Variants in THBS4 observed in about 807,000 individuals in gnomAD.
THBS4 encodes thrombospondin 4, also known as thrombospondin-4.
In THBS4, 90 loss-of-function variants were observed where a neutral mutation model predicts 115.7. The ratio of observed to expected loss-of-function variants is 0.78; its 90% confidence interval spans 0.66 to 0.93. The LOEUF is 0.93. Ranked by LOEUF, THBS4 falls within the 40% of genes least tolerant of loss-of-function variation. THBS4 has a pLI of 0.00. For synonymous variants in THBS4, 460 were observed against 479.3 expected (o/e 0.96, Z 0.53); for missense variants, 1,087 against 1,232.7 (o/e 0.88, Z 1.77).
intron 1 of THBS4, among the ~76,000 whole-genome samples, chr5:79,992,452 A>G (rs978793473): frequency 2.6e-5 from 4 of 152,252 alleles, no homozygotes; most frequent in Admixed American, 1.3e-4. Flanking sequence ...TACTGTTTAC[A>G]TAATCATTCA....
intron 15 of THBS4, 116 bp downstream of exon 15, chr5:80,073,443 G>T (rs1417646754): frequency 1.1e-6 from 1 of 894,156 alleles, no homozygotes; most frequent in Non-Finnish European, 1.7e-6. Flanking sequence ...GAGTACAGTG[G>T]TGCAATCTCG....
rs41272276 is a variant in THBS4 at position 80,065,589 on chromosome 5, T to A, written c.1194+112T>A. 2,567 of 928,822 alleles carry A rather than the reference T, an allele frequency of 2.8e-3. 3 individuals carry two copies. Among genetic ancestry groups the A allele is most frequent in the Non-Finnish European group, 3.4e-3 (2,237 of 649,050 alleles). 57.5% of individuals were successfully genotyped at this position (928,822 alleles called of 1,614,324 possible). A position where few individuals can be genotyped will look rare whatever the true frequency, so the allele number is the denominator to read the frequency against. ...CCTAGAACATGTGGGCATAATATAT[T>A]TGATTGGCAGAATAAAGGCAAAAGT... On this transcript the variant is annotated intron_variant, in intron 9 of 21. Coordinates refer to ENST00000350881, the MANE Select transcript of THBS4 (RefSeq NM_003248.6).
rs1743359448 is a variant in THBS4 at position 80,079,045 on chromosome 5, T to G, written c.2315-17T>G. 2 of 1,611,866 alleles carry G rather than the reference T, an allele frequency of 1.2e-6. No individual in the cohort carries two copies. Among genetic ancestry groups the G allele is most frequent in the African/African-American group, 2.7e-5 (2 of 74,894 alleles). On this transcript the variant is annotated splice_polypyrimidine_tract_variant and intron_variant, in intron 18 of 21. Transcript: ENST00000350881. ...GTGTGGTTTGTCTATTGTTCTAATC[T>G]TATCTGGTCCCTACAGGGTACACAG...
Position 80,082,400 on chromosome 5 carries a change from C to T in THBS4, c.2685-6C>T. ...ATGGAGGCCCCTCCGGCCGTGTTGTCCGCAGGGTACGATTTTATGAAGGCT... is the reference window on the plus strand; with the variant it reads ...ATGGAGGCCCCTCCGGCCGTGTTGTTCGCAGGGTACGATTTTATGAAGGCT... On this transcript the variant is annotated splice_polypyrimidine_tract_variant and splice_region_variant and intron_variant, in intron 20 of 21. Coordinates refer to ENST00000350881, the MANE Select transcript of THBS4 (RefSeq NM_003248.6). The T allele has an allele frequency of 1.2e-6, 2 of 1,614,020 alleles. No homozygotes were observed.
intron 2 of THBS4, among the ~76,000 whole-genome samples, chr5:80,028,604 G>A (rs191999357): frequency 8.4e-4 from 128 of 151,942 alleles, no homozygotes; most frequent in Middle Eastern, 3.4e-3. Flanking sequence ...GATTACAGAC[G>A]CCCACCACCA....
chr5:79,994,925 A>G (rs1440572922), intron 1 of THBS4, among the ~76,000 whole-genome samples: 2 of 152,248 alleles, frequency 1.3e-5, no homozygotes, highest in Admixed American at 6.5e-5. Context: ...GCAAAGGCCT[A>G]ATGAAAGAAG....
chr5:80,079,948 C>T lies in THBS4; in HGVS notation c.2555C>T (p.Ser852Phe). The change falls in exon 20 of 22, where the codon TCC becomes TTC. Residue 852 changes from serine to phenylalanine, a missense_variant. Ser to Phe is a radical substitution (Grantham distance 155). Around this residue, in one of 3 missense-constraint regions of THBS4, gnomAD observed 979 missense variants for 1,103.7 expected, o/e 0.89. Transcript: ENST00000350881. ...KTGPGEHLRN[S>F]LWHTGDTSDQ... is the part of the protein sequence containing the mutation. ...GGTCCAGGGGAGCATCTCCGGAACT[C>T]CCTGTGGCACACGGGGGACACCAGT... The T allele has an allele frequency of 6.2e-7, 1 of 1,614,086 alleles. No homozygotes were observed. The highest frequency in any genetic ancestry group is 8.5e-7 in the Non-Finnish European group (1 of 1,180,024).
At chr5:80,025,248 A>C (rs917089947) in intron 2 of THBS4, among the ~76,000 whole-genome samples, 1 of 152,224 alleles carries the variant, frequency 6.6e-6, no homozygotes, top group Non-Finnish European at 1.5e-5. Flanking sequence ...CTTATAATAA[A>C]CATGCATATA....
chr5:80,018,591 C>T lies in THBS4; in HGVS notation n.177+20164C>T, dbSNP rs372286666. ...TGTACTTTTAGTAGAGATGGGGTTT[C>T]ACCATGTTGGCCAGGCTGTTCTCAA... On this transcript the variant is annotated intron_variant and non_coding_transcript_variant, in intron 2 of 3. Transcript: ENST00000510218. Among the ~76,000 whole-genome samples the T allele has an allele frequency of 4.8e-4, 73 of 151,994 alleles. 1 individual carries two copies. The East Asian group carries it at 0.014, about 29-fold the overall frequency.
intron 3 of THBS4, among the ~76,000 whole-genome samples, chr5:80,057,115 AAATT>A (rs1373904289): frequency 6.6e-6 from 1 of 152,198 alleles, no homozygotes; most frequent in Non-Finnish European, 1.5e-5. Context: ...ATATGGAAAA[AAATT>A]AATAGAAAGA....
chr5:80,026,990 T>G (rs571385678), intron 2 of THBS4, among the ~76,000 whole-genome samples: 1 of 152,334 alleles, frequency 6.6e-6, no homozygotes, highest in South Asian at 2.1e-4. Flanking sequence ...AGAATAAAAC[T>G]ATTTGCCAAA....
chr5:79,993,344 C>CT (rs1186332566), intron 1 of THBS4, among the ~76,000 whole-genome samples: 1 of 152,186 alleles, frequency 6.6e-6, no homozygotes, highest in Non-Finnish European at 1.5e-5. Context: ...TTAAAAAACT[C>CT]TAACATAGCT....
At chr5:80,056,696 C>A (rs998348624) in intron 3 of THBS4, among the ~76,000 whole-genome samples, 1 of 151,826 alleles carries the variant, frequency 6.6e-6, no homozygotes, top group Non-Finnish European at 1.5e-5. Context: ...ATTCTTTGTC[C>A]TTTCCAATAA....
intron 1 of THBS4, among the ~76,000 whole-genome samples, chr5:80,037,699 A>C (rs1437217166): frequency 6.6e-6 from 1 of 152,256 alleles, no homozygotes; most frequent in Non-Finnish European, 1.5e-5. Flanking sequence ...AATCAAGAGT[A>C]CTAAGAATTT....
intron 2 of THBS4, among the ~76,000 whole-genome samples, chr5:80,024,793 A>C (rs964209372): frequency 1.3e-5 from 2 of 152,190 alleles, no homozygotes; most frequent in Non-Finnish European, 2.9e-5. Flanking sequence ...ATTACAAGAA[A>C]TGCATTCTCA....
chr5:80,005,779 T>C (rs1390655353), intron 2 of THBS4, among the ~76,000 whole-genome samples: 3 of 149,446 alleles, frequency 2.0e-5, no homozygotes, highest in Non-Finnish European at 4.5e-5. Context: ...TTTTTTTTTT[T>C]TTTTTGAGAC....
chr5:80,082,158 T>G, intron 20 of THBS4: 1 of 436,276 alleles, frequency 2.3e-6, no homozygotes, highest in East Asian at 3.6e-5. Flanking sequence ...AGACAGAAGT[T>G]GGGAAGAAAC....
At chr5:80,017,064 ATGTT>A (rs1441280180) in intron 2 of THBS4, among the ~76,000 whole-genome samples, 1 of 152,258 alleles carries the variant, frequency 6.6e-6, no homozygotes, top group Non-Finnish European at 1.5e-5. Flanking sequence ...ATAAAAATAA[ATGTT>A]AGATGACAAA....
At chr5:80,055,691 G>C (rs1445187575) in intron 2 of THBS4, 94 bp from the exon 3 acceptor site, 2 of 1,517,266 alleles carry the variant, frequency 1.3e-6, no homozygotes, top group African/African-American at 2.8e-5. Flanking sequence ...CCAGGAGGCT[G>C]TTCAGCACAG....
Sources: allele counts gnomAD v4.1 joint callset (sites outside exome capture counted in the v4.1 genomes callset), GRCh38; gene constraint gnomAD v4.1.1; regional missense constraint gnomAD v4.1.1; transcripts MANE v1.5; gene names NCBI Gene and HGNC (gene_info 2026-07-23, HGNC 2026-07-21).